Variants in KAZN observed in about 807,000 individuals in gnomAD.
KAZN encodes kazrin, periplakin interacting protein.
KAZN carries 40 observed loss-of-function variants against 87.4 expected under a neutral mutation model. The ratio of observed to expected loss-of-function variants is 0.46; its 90% CI spans 0.36 to 0.60. The LOEUF is 0.60. KAZN is among the 20% of genes least tolerant of loss of function. The probability of loss-of-function intolerance (pLI) is 0.00; values close to 1 mark genes in which losing one functional copy is unlikely to be tolerated. For missense variants in KAZN, 898 were observed against 1,073.9 expected, an observed-to-expected ratio of 0.84 and a Z score of 2.29; for synonymous variants, 466 against 458.3, an observed-to-expected ratio of 1.02 and a Z score of -0.22.
At chr1:14,580,278 C>T (rs1675459365) in intron 2 of KAZN, among the ~76,000 whole-genome samples, 1 of 152,124 alleles carries the variant, frequency 6.6e-6, no homozygotes, top group South Asian at 2.1e-4. Context: ...GAGTTCGAGA[C>T]CAGCCTGACC....
chr1:13,935,252 G>GTAATAATAATAATAATAA (rs138811922), intron 1 of KAZN, among the ~76,000 whole-genome samples: 1,982 of 147,006 alleles, frequency 0.013, 31 homozygotes, highest in African/African-American at 0.029. Context: ...AGTAGTAGTA[G>GTAATAATAATAATAATAA]TAATAATAAT....
At chr1:14,642,193 A>G (rs1680456940) in intron 1 of KAZN, among the ~76,000 whole-genome samples, 1 of 152,168 alleles carries the variant, frequency 6.6e-6, no homozygotes, top group African/African-American at 2.4e-5. Context: ...AGCTCGGGAG[A>G]TCGAGACCAT....
At chr1:14,053,020 G>A (rs574501475) in intron 1 of KAZN, among the ~76,000 whole-genome samples, 23 of 152,246 alleles carry the variant, frequency 1.5e-4, no homozygotes, top group Middle Eastern at 6.8e-3. Context: ...GGGCAGGGCC[G>A]GTGCCTCACT....
intron 2 of KAZN, among the ~76,000 whole-genome samples, chr1:14,286,854 G>A (rs950082049): frequency 6.6e-6 from 1 of 151,960 alleles, no homozygotes; most frequent in Non-Finnish European, 1.5e-5. Context: ...AAATTTGTAG[G>A]CCTGTGGCTA....
intron 4 of KAZN, among the ~76,000 whole-genome samples, chr1:15,049,079 C>T (rs554313664): frequency 6.8e-6 from 1 of 147,146 alleles, no homozygotes; most frequent in Non-Finnish European, 1.5e-5. Context: ...CGATCCTGTA[C>T]TCCATGGGGT....
At chr1:13,928,029 C>CA (rs1274966788) in intron 1 of KAZN, among the ~76,000 whole-genome samples, 19 of 152,166 alleles carry the variant, frequency 1.2e-4, no homozygotes, top group Non-Finnish European at 2.6e-4. Context: ...CAGCTTGGCT[C>CA]CATCCAATTT....
At chr1:14,228,109 C>G (rs567256828) in intron 2 of KAZN, among the ~76,000 whole-genome samples, 1 of 152,270 alleles carries the variant, frequency 6.6e-6, no homozygotes, top group Non-Finnish European at 1.5e-5. Flanking sequence ...CCTCACTCTA[C>G]ACACTTTTCA....
At chr1:14,360,784 G>A (rs1031137660) in intron 2 of KAZN, among the ~76,000 whole-genome samples, 1 of 152,204 alleles carries the variant, frequency 6.6e-6, no homozygotes, top group Non-Finnish European at 1.5e-5. Flanking sequence ...GAACAGCAAA[G>A]ATTGCTGTCT....
At chr1:14,893,163 C>T (rs1189931858) in intron 1 of KAZN, among the ~76,000 whole-genome samples, 2 of 151,778 alleles carry the variant, frequency 1.3e-5, no homozygotes, top group African/African-American at 4.8e-5. Context: ...GTCAGGAGTT[C>T]GAGACCAACC....
At chr1:14,762,792 A>G (rs7535783) in intron 1 of KAZN, among the ~76,000 whole-genome samples, 12,652 of 151,960 alleles carry the variant, frequency 0.083, 1,120 homozygotes, top group African/African-American at 0.22. Context: ...CACAGGGGCC[A>G]TGGGCCAGAC....
intron 2 of KAZN, among the ~76,000 whole-genome samples, chr1:14,294,744 TA>T (rs1653985765): frequency 6.7e-6 from 1 of 150,186 alleles, no homozygotes; most frequent in African/African-American, 2.4e-5. Context: ...ACCACCAATA[TA>T]AAATGCCTAA....
At chr1:13,996,041 G>C (rs12754678) in intron 1 of KAZN, among the ~76,000 whole-genome samples, 1 of 150,422 alleles carries the variant, frequency 6.6e-6, no homozygotes, top group Non-Finnish European at 1.5e-5. Flanking sequence ...TCATCACAAC[G>C]GACTAGGAGG....
intron 1 of KAZN, among the ~76,000 whole-genome samples, chr1:14,715,076 A>G (rs953368046): frequency 6.6e-6 from 1 of 151,632 alleles, no homozygotes; most frequent in Non-Finnish European, 1.5e-5. Flanking sequence ...GACCACAGGC[A>G]CTTGCCACCA....
intron 1 of KAZN, among the ~76,000 whole-genome samples, chr1:14,173,132 A>T (rs1281624067): frequency 5.9e-5 from 9 of 152,144 alleles, no homozygotes; most frequent in Non-Finnish European, 1.2e-4. Flanking sequence ...TCTCAAGGGG[A>T]GGAGTAGCAA....
At chr1:13,977,207 A>G (rs559959974) in intron 1 of KAZN, among the ~76,000 whole-genome samples, 1 of 152,316 alleles carries the variant, frequency 6.6e-6, no homozygotes, top group East Asian at 1.9e-4. Context: ...TCTAGATATT[A>G]TCCGTCTGAT....
intron 1 of KAZN, among the ~76,000 whole-genome samples, chr1:14,930,344 A>G (rs917743766): frequency 6.6e-6 from 1 of 152,194 alleles, no homozygotes; most frequent in Non-Finnish European, 1.5e-5. Context: ...CAGAAGTTTC[A>G]GAAAAGCTCT....
chr1:14,007,121 G>GT (rs1640070670), intron 1 of KAZN, among the ~76,000 whole-genome samples: 1 of 151,816 alleles, frequency 6.6e-6, no homozygotes, highest in South Asian at 2.1e-4. Context: ...TTCTTGATTT[G>GT]TTTTTTTAGA....
intron 2 of KAZN, among the ~76,000 whole-genome samples, chr1:14,548,366 T>C (rs1166943068): frequency 6.6e-6 from 1 of 151,994 alleles, no homozygotes; most frequent in Non-Finnish European, 1.5e-5. Context: ...GCCTGGCTAA[T>C]TTTTATATTT....
intron 1 of KAZN, among the ~76,000 whole-genome samples, chr1:14,117,849 A>G (rs1473085988): frequency 6.6e-6 from 1 of 152,166 alleles, no homozygotes. Flanking sequence ...GTGAGGACTG[A>G]AATGTTAGCT....
Sources: allele counts gnomAD v4.1 joint callset (sites outside exome capture counted in the v4.1 genomes callset), GRCh38; gene constraint gnomAD v4.1.1; transcripts MANE v1.5; gene names NCBI Gene and HGNC (gene_info 2026-07-23, HGNC 2026-07-21).